GP2: variants seen among roughly 807,000 people sequenced by gnomAD.
GP2 encodes pancreatic secretory granule membrane major glycoprotein GP2.
GP2 carries 58 observed loss-of-function variants against 60.8 expected under a neutral mutation model. The observed-to-expected ratio is 0.95, with a 90% CI of 0.77 to 1.19. The LOEUF is 1.19. GP2 is among the 50% of genes most tolerant of loss of function. The probability of loss-of-function intolerance (pLI) is 0.00; values close to 1 mark genes in which losing one functional copy is unlikely to be tolerated. For synonymous variants in GP2, 280 were observed against 253.4 expected (o/e 1.10, Z -1.00); for missense variants, 647 against 667.4 (o/e 0.97, Z 0.34).
At chr16:20,312,208 A>C (rs893368260) in intron 10 of GP2, among the ~76,000 whole-genome samples, 21 of 152,238 alleles carry the variant, frequency 1.4e-4, no homozygotes, top group South Asian at 8.3e-4. Flanking sequence ...CGTGGATCCC[A>C]GATGATAATG....
intron 8 of GP2, 96 bp from the exon 9 acceptor site, chr16:20,316,136 G>A: frequency 1.3e-6 from 1 of 752,022 alleles, no homozygotes; most frequent in Non-Finnish European, 2.4e-6. Context: ...CAAGAACTGT[G>A]TCCAGAACTG....
At chr16:20,323,411 T>A in intron 3 of GP2, 1 of 718,364 alleles carries the variant, frequency 1.4e-6, no homozygotes, top group Non-Finnish European at 2.6e-6. Flanking sequence ...ATCAAATGAG[T>A]TAATACATTT....
intron 2 of GP2, among the ~76,000 whole-genome samples, chr16:20,325,864 C>T (rs73541271): frequency 0.091 from 13,889 of 152,166 alleles, 1,515 homozygotes; most frequent in African/African-American, 0.26. Context: ...CCACTGGAGG[C>T]CTCCAATGAG....
chr16:20,319,481 G>C, intron 6 of GP2, 139 bp downstream of exon 6: 1 of 651,690 alleles, frequency 1.5e-6, no homozygotes, highest in Non-Finnish European at 2.8e-6. Flanking sequence ...ATGAATACTT[G>C]TGGAATGAAT....
intron 1 of GP2, chr16:20,327,200 A>T: frequency 3.5e-6 from 1 of 287,368 alleles, no homozygotes; most frequent in Non-Finnish European, 6.8e-6. Context: ...ATTCTTAGAG[A>T]TGAGATCCCA....
Position 20,326,447 on chromosome 16 carries a change from G to T in GP2, c.-16C>A. The T allele has an allele frequency of 6.2e-7, 1 of 1,613,060 alleles. No homozygotes were observed. Among genetic ancestry groups the T allele is most frequent in the Non-Finnish European group, 8.5e-7 (1 of 1,179,118 alleles). ...GGTGAGGCATGCAGGTCACTTTGCT[G>T]TATGCAGACTTCCCATGCAGCTATG... is the stretch of plus-strand genomic sequence containing the variant. On this transcript the variant is annotated 5_prime_UTR_variant, in exon 2 of 11. Transcript: ENST00000302555.
intron 3 of GP2, 93 bp downstream of exon 3, chr16:20,323,723 C>T: frequency 1.2e-6 from 1 of 813,908 alleles, no homozygotes; most frequent in Non-Finnish European, 1.9e-6. Context: ...GCATCCTCTC[C>T]TGTCTCCTCT....
chr16:20,323,018 G>A, intron 3 of GP2, 39 bp from the exon 4 acceptor site: 2 of 1,202,970 alleles, frequency 1.7e-6, no homozygotes, highest in Non-Finnish European at 2.5e-6. Context: ...TCAGGATGCA[G>A]TGCGGGCTGG....
chr16:20,319,877 C>A (rs1206851905), intron 5 of GP2, 109 bp from the exon 6 acceptor site: 1 of 853,262 alleles, frequency 1.2e-6, no homozygotes, highest in Non-Finnish European at 1.9e-6. Flanking sequence ...ATGCAGCCAC[C>A]CTACCTTCTG....
At chr16:20,315,928 G>A (rs1746286189) in intron 9 of GP2, 28 bp downstream of exon 9, 1 of 1,441,056 alleles carries the variant, frequency 6.9e-7, no homozygotes, top group Non-Finnish European at 9.8e-7. Context: ...CAGCCAGCTG[G>A]TCTTGTCACT....
At chr16:20,325,893 C>T (rs1964517966) in intron 2 of GP2, among the ~76,000 whole-genome samples, 1 of 152,188 alleles carries the variant, frequency 6.6e-6, no homozygotes, top group African/African-American at 2.4e-5. Context: ...CCTCTCCCAC[C>T]CTCCTCCAGG....
rs557188215 is a variant in GP2, at chr16:20,310,602, T to C, written c.*621A>G. The C allele has an allele frequency of 6.6e-6, 1 of 152,638 alleles. No individual in the cohort carries two copies. Among genetic ancestry groups the C allele is most frequent in the Admixed American group, 6.5e-5 (1 of 15,326 alleles). 9.5% of individuals were successfully genotyped at this position (152,638 alleles called of 1,614,324 possible). On this transcript the variant is annotated 3_prime_UTR_variant, in exon 11 of 11. Coordinates refer to ENST00000302555, the MANE Select transcript of GP2 (RefSeq NM_001502.4). Reference sequence around the variant, plus strand: ...CTCATCCCATACCCCAGTGACAGGATACCGCTTCCCTGAAGTTAAAAACAT... The same window carrying C: ...CTCATCCCATACCCCAGTGACAGGACACCGCTTCCCTGAAGTTAAAAACAT...
At chr16:20,313,771 C>T (rs1964067080) in intron 10 of GP2, among the ~76,000 whole-genome samples, 1 of 152,168 alleles carries the variant, frequency 6.6e-6, no homozygotes, top group Non-Finnish European at 1.5e-5. Flanking sequence ...ATATAAGGTG[C>T]CAGCTTTCGG....
intron 4 of GP2, 124 bp from the exon 5 acceptor site, chr16:20,320,597 T>A (rs1567290237): frequency 2.9e-6 from 2 of 695,660 alleles, no homozygotes; most frequent in Non-Finnish European, 4.9e-6. Context: ...GGGATCCAGA[T>A]GGAATTCATG....
chr16:20,325,986 A>G (rs1196499918), intron 2 of GP2, among the ~76,000 whole-genome samples: 1 of 152,202 alleles, frequency 6.6e-6, no homozygotes, highest in African/African-American at 2.4e-5. Context: ...GAGATCACTT[A>G]ATCTAGCCCT....
chr16:20,326,538 TC>T (rs1263796482), intron 1 of GP2, 71 bp from the exon 2 acceptor site: 1 of 1,241,774 alleles, frequency 8.1e-7, no homozygotes, highest in African/African-American at 1.5e-5. Context: ...TCCGTTGACT[TC>T]CTTCATAAAG....
chr16:20,314,778 A>G (rs369352340), intron 9 of GP2, 77 bp from the exon 10 acceptor site: 5 of 1,017,618 alleles, frequency 4.9e-6, no homozygotes, highest in Non-Finnish European at 7.9e-6. Context: ...TAACTGCTTC[A>G]CATCCTCCTA....
At chr16:20,326,018 T>G (rs1964522006) in intron 2 of GP2, among the ~76,000 whole-genome samples, 1 of 152,214 alleles carries the variant, frequency 6.6e-6, no homozygotes, top group Admixed American at 6.5e-5. Context: ...GAGAAGGCAC[T>G]TGCCAGCACA....
chr16:20,317,669 A>G (rs1022175162), intron 7 of GP2, among the ~76,000 whole-genome samples: 1 of 152,232 alleles, frequency 6.6e-6, no homozygotes, highest in Non-Finnish European at 1.5e-5. Context: ...AGACAGTAAT[A>G]TACACTTTAT....
Sources: gnomAD v4.1 joint callset for allele counts (sites outside exome capture counted in the v4.1 genomes callset) on GRCh38, gnomAD v4.1.1 for gene constraint, MANE v1.5 for transcripts, NCBI Gene and HGNC (gene_info 2026-07-23, HGNC 2026-07-21) for gene names.